MNAT1: variants seen among roughly 807,000 people sequenced by gnomAD.
MNAT1 encodes the protein CDK-activating kinase assembly factor MAT1.
MNAT1 carries 43 observed loss-of-function variants against 42.0 expected under a neutral mutation model. The observed-to-expected ratio is 1.02, with a 90% confidence interval of 0.80 to 1.32. The LOEUF (loss-of-function observed/expected upper bound fraction) is 1.32. Ranked by LOEUF, MNAT1 falls within the 40% of genes most tolerant of loss-of-function variation. The pLI, the probability that MNAT1 is intolerant of heterozygous loss-of-function variation, is 0.00. For missense variants in MNAT1, 306 were observed against 350.4 expected (o/e 0.87, Z 1.01); for synonymous variants, 118 against 120.0 (o/e 0.98, Z 0.11).
chr14:60,808,291 T>C, intron 3 of MNAT1, 34 bp from the exon 4 acceptor site: 1 of 1,319,704 alleles, frequency 7.6e-7, no homozygotes, highest in Non-Finnish European at 1.0e-6. Flanking sequence ...ATATTAAAAA[T>C]ATTTTTCATG....
intron 7 of MNAT1, among the ~76,000 whole-genome samples, chr14:60,955,333 G>A (rs1269650799): frequency 6.6e-6 from 1 of 151,876 alleles, no homozygotes; most frequent in East Asian, 1.9e-4. Flanking sequence ...AAGCCATCAG[G>A]TTCTAAGCTT....
Position 60,740,196 on chromosome 14 carries a change from C to T in MNAT1, c.89+5245C>T, listed in dbSNP as rs374944029. Among the ~76,000 whole-genome samples the T allele has an allele frequency of 2.0e-5, 3 of 152,294 alleles. No individual in the cohort carries two copies. The highest frequency in any genetic ancestry group is 4.8e-5 in the African/African-American group (2 of 41,574). On this transcript the variant is annotated intron_variant, in intron 1 of 7. Transcript: ENST00000261245. The surrounding 1 kb of genome is among the most constrained non-coding windows in gnomAD (Gnocchi z 4.1). Reference sequence around the variant, plus strand: ...CTATCCCAACCATTCTTGGCAAAACCTGTCTCTGGAAATTTTATGTGCTAA... The same window carrying T: ...CTATCCCAACCATTCTTGGCAAAACTTGTCTCTGGAAATTTTATGTGCTAA...
chr14:60,759,063 C>CT (rs2030486957), intron 1 of MNAT1, among the ~76,000 whole-genome samples: 1 of 152,152 alleles, frequency 6.6e-6, no homozygotes, highest in African/African-American at 2.4e-5. Context: ...AACTGAAACT[C>CT]TGAGAGATTG....
At chr14:60,780,043 G>A in intron 1 of MNAT1, 1 of 1,519,152 alleles carries the variant, frequency 6.6e-7, no homozygotes, top group Non-Finnish European at 9.1e-7. Flanking sequence ...TCGTGGACGA[G>A]TTCTTCTCAT....
At chr14:60,895,037 C>G (rs930403017) in intron 7 of MNAT1, among the ~76,000 whole-genome samples, 8 of 152,052 alleles carry the variant, frequency 5.3e-5, no homozygotes, top group Admixed American at 5.2e-4. Context: ...CTCATACTTC[C>G]CTTCTCTTCA....
At chr14:60,966,790 G>A (rs2036690660) in intron 7 of MNAT1, among the ~76,000 whole-genome samples, 1 of 152,070 alleles carries the variant, frequency 6.6e-6, no homozygotes, top group South Asian at 2.1e-4. Flanking sequence ...CTGGGTTACA[G>A]GTGTGAGCCA....
chr14:60,884,465 T>C (rs924624561), intron 7 of MNAT1, among the ~76,000 whole-genome samples: 2 of 152,092 alleles, frequency 1.3e-5, no homozygotes. Flanking sequence ...GAATTCAGCT[T>C]GCTAGTATTT....
intron 1 of MNAT1, among the ~76,000 whole-genome samples, chr14:60,759,560 C>T (rs1024959671): frequency 6.6e-6 from 1 of 152,180 alleles, no homozygotes; most frequent in Non-Finnish European, 1.5e-5. Context: ...GAGTAGCCAT[C>T]ATTAACATGA....
chr14:60,951,026 C>T (rs570523860), intron 7 of MNAT1, among the ~76,000 whole-genome samples: 2 of 151,934 alleles, frequency 1.3e-5, no homozygotes, highest in South Asian at 2.1e-4. Flanking sequence ...AAGTGCTTTG[C>T]GAATTCAGAG....
At chr14:60,787,753 C>A (rs976150637) in intron 1 of MNAT1, among the ~76,000 whole-genome samples, 1 of 152,138 alleles carries the variant, frequency 6.6e-6, no homozygotes, top group Non-Finnish European at 1.5e-5. Context: ...CAAGAATCAT[C>A]CCTAAGAAGC....
chr14:60,851,580 A>T (rs983041894), intron 6 of MNAT1, among the ~76,000 whole-genome samples: 2 of 152,146 alleles, frequency 1.3e-5, no homozygotes, highest in African/African-American at 4.8e-5. Flanking sequence ...TTTACAGAAC[A>T]ATTGCAGGTT....
intron 7 of MNAT1, among the ~76,000 whole-genome samples, chr14:60,911,182 AT>A (rs2035348532): frequency 6.6e-6 from 1 of 151,794 alleles, no homozygotes; most frequent in African/African-American, 2.4e-5. Context: ...CCCCTTTGTC[AT>A]TTTTTATTGC....
At chr14:60,831,667 A>G (rs561333905) in intron 6 of MNAT1, among the ~76,000 whole-genome samples, 9 of 152,314 alleles carry the variant, frequency 5.9e-5, no homozygotes, top group African/African-American at 2.2e-4. Flanking sequence ...TAGTAGAATG[A>G]TTTATAATAC....
At chr14:60,807,352 C>T (rs7155712) in intron 3 of MNAT1, among the ~76,000 whole-genome samples, 5,861 of 152,066 alleles carry the variant, frequency 0.039, 224 homozygotes, top group African/African-American at 0.1. Flanking sequence ...TCTGTAGAAA[C>T]CCAAGGGATA....
chr14:60,927,032 C>A (rs1324561392), intron 7 of MNAT1, among the ~76,000 whole-genome samples: 1 of 152,204 alleles, frequency 6.6e-6, no homozygotes, highest in African/African-American at 2.4e-5. Flanking sequence ...GCCACCCTAT[C>A]TATAAGTTTA....
intron 1 of MNAT1, among the ~76,000 whole-genome samples, chr14:60,746,603 A>AT (rs1051721687): frequency 3.3e-5 from 5 of 149,904 alleles, no homozygotes; most frequent in East Asian, 2.0e-4. Flanking sequence ...ATTAGCTGTA[A>AT]TTTTTTTTTC....
intron 6 of MNAT1, among the ~76,000 whole-genome samples, chr14:60,860,596 G>A (rs2034074216): frequency 6.6e-6 from 1 of 151,644 alleles, no homozygotes; most frequent in African/African-American, 2.4e-5. Context: ...CTCGTGATCC[G>A]CCCGCCTCAG....
At chr14:60,963,285 T>G (rs1238126054) in intron 7 of MNAT1, among the ~76,000 whole-genome samples, 1 of 152,200 alleles carries the variant, frequency 6.6e-6, no homozygotes, top group Non-Finnish European at 1.5e-5. Context: ...CAGCCGGCCA[T>G]GTATTTTTAT....
intron 2 of MNAT1, among the ~76,000 whole-genome samples, chr14:60,797,776 C>T (rs935067678): frequency 6.6e-6 from 1 of 151,832 alleles, no homozygotes; most frequent in East Asian, 1.9e-4. Context: ...ATACAAAAAA[C>T]ATTAAGTGGA....
Sources: gnomAD v4.1 joint callset for allele counts (sites outside exome capture counted in the v4.1 genomes callset) on GRCh38, gnomAD v4.1.1 for gene constraint, Gnocchi (gnomAD v3.1) non-coding constraint, MANE v1.5 for transcripts, NCBI Gene and HGNC (gene_info 2026-07-23, HGNC 2026-07-21) for gene names.